Variants in PDXK observed in about 807,000 individuals in gnomAD.
PDXK encodes the protein pyridoxal kinase.
PDXK carries 15 observed loss-of-function variants against 43.2 expected under a neutral mutation model. That is an observed-to-expected ratio of 0.35 (90% CI 0.23 to 0.53). PDXK has a LOEUF of 0.53. Among genes scored for constraint, PDXK ranks in the 20% least tolerant of loss-of-function variants. The pLI is 0.92. For synonymous variants in PDXK, 172 were observed against 165.4 expected (o/e 1.04, Z -0.31); for missense variants, 343 against 417.0 (o/e 0.82, Z 1.54).
In PDXK at chr21:43,719,558, G is replaced by A. The variant is rs1032006871; in HGVS notation, c.87+177G>A. The A allele has an allele frequency of 7.2e-6, 7 of 971,646 alleles. No individual in the cohort carries two copies. The African/African-American group carries it at 1.2e-4, about 17-fold the overall frequency. 60.2% of individuals were successfully genotyped at this position (971,646 alleles called of 1,614,324 possible). Reference sequence around the variant, plus strand: ...CCCGCTCTGCTTGGCTTGCGGGGGCGGAAGCGGAGGGCTGAGCGCTCTGCG... The same window carrying A: ...CCCGCTCTGCTTGGCTTGCGGGGGCAGAAGCGGAGGGCTGAGCGCTCTGCG... On this transcript the variant is annotated intron_variant, in intron 1 of 10. Coordinates refer to ENST00000291565, the MANE Select transcript of PDXK (RefSeq NM_003681.5).
chr21:43,723,176 C>T lies in PDXK; in HGVS notation c.87+3795C>T, dbSNP rs544348606. On this transcript the variant is annotated intron_variant, in intron 1 of 10. Transcript: ENST00000291565. This position sits in a 1 kb window ranked among gnomAD's most constrained non-coding sequence, Gnocchi z 4.1. Reference sequence around the variant, plus strand: ...TTCTTTCTTTTTTTTTTTTTTGAGACGAGGGTCTCACTCTGTCGCTCAGGC... The same window carrying T: ...TTCTTTCTTTTTTTTTTTTTTGAGATGAGGGTCTCACTCTGTCGCTCAGGC... Among the ~76,000 whole-genome samples the T allele has an allele frequency of 5.2e-4, 74 of 143,122 alleles. No homozygotes were observed. The highest frequency in any genetic ancestry group is 1.7e-3 in the African/African-American group (66 of 37,866). 93.9% of individuals were successfully genotyped at this position (143,122 alleles called of 152,430 possible).
chr21:43,719,513 G>T, intron 1 of PDXK, 132 bp downstream of exon 1: 1 of 1,325,856 alleles, frequency 7.5e-7, no homozygotes, highest in Admixed American at 3.0e-5. Flanking sequence ...GCGCCCTGGA[G>T]GCAGGCGCGG....
At chr21:43,720,427 T>C (rs749283760) in intron 1 of PDXK, among the ~76,000 whole-genome samples, 2 of 151,714 alleles carry the variant, frequency 1.3e-5, no homozygotes, top group Non-Finnish European at 2.9e-5. Context: ...AGAGCTTCAG[T>C]GGAATTTGAG....
intron 1 of PDXK, among the ~76,000 whole-genome samples, chr21:43,720,777 A>G (rs2083200356): frequency 6.6e-6 from 1 of 152,184 alleles, no homozygotes; most frequent in South Asian, 2.1e-4. Context: ...AAGCAGGGGC[A>G]GCCAGGCAGT....
At chr21:43,744,227 G>C (rs1263911247) in intron 4 of PDXK, among the ~76,000 whole-genome samples, 1 of 152,042 alleles carries the variant, frequency 6.6e-6, no homozygotes, top group Non-Finnish European at 1.5e-5. Flanking sequence ...CTAGGGAGTG[G>C]GGGGAGGGAG....
At chr21:43,726,017 T>G (rs1370926741) in intron 1 of PDXK, among the ~76,000 whole-genome samples, 1 of 148,802 alleles carries the variant, frequency 6.7e-6, no homozygotes, top group Non-Finnish European at 1.5e-5. Flanking sequence ...TGGGATTCTC[T>G]CTCTCTCTCT....
rs2083423170 is a variant in PDXK at position 43,737,364 on chromosome 21, G to C, written c.142+3241G>C. ...CCGTTCCTTGAGGCCGTACCACAAGGTGCGTTCATTTTTCCACACCGTGAG... is the reference window on the plus strand; with the variant it reads ...CCGTTCCTTGAGGCCGTACCACAAGCTGCGTTCATTTTTCCACACCGTGAG... On this transcript the variant is annotated intron_variant, in intron 2 of 10. Coordinates refer to ENST00000291565, the MANE Select transcript of PDXK (RefSeq NM_003681.5). This position sits in a 1 kb window ranked among gnomAD's most constrained non-coding sequence, Gnocchi z 4.8. The C allele has an allele frequency of 8.0e-7, 1 of 1,253,208 alleles. No individual in the cohort carries two copies. The highest frequency in any genetic ancestry group is 1.0e-6 in the Non-Finnish European group (1 of 992,986). 77.6% of individuals were successfully genotyped at this position (1,253,208 alleles called of 1,614,324 possible). A position where few individuals can be genotyped will look rare whatever the true frequency, so the allele number is the denominator to read the frequency against.
At chr21:43,746,224 G>A in intron 5 of PDXK, 99 bp downstream of exon 5, 2 of 946,774 alleles carry the variant, frequency 2.1e-6, no homozygotes, top group Non-Finnish European at 3.5e-6. Flanking sequence ...TAACTCGGTG[G>A]GACTCCTCTG....
Position 43,756,423 on chromosome 21 carries a change from T to C in PDXK, c.*360T>C, listed in dbSNP as rs2070535. ...GAGTGGGCCCTGGCTGCCACTACCG[T>C]ACAGAGGCCGTGTCGCGCTGGGCTG... is the stretch of plus-strand genomic sequence containing the variant. On this transcript the variant is annotated 3_prime_UTR_variant, in exon 11 of 11. Coordinates refer to ENST00000291565, the MANE Select transcript of PDXK (RefSeq NM_003681.5). The C allele has an allele frequency of 0.58, 139,664 of 239,822 alleles. 40,864 individuals carry two copies. Among genetic ancestry groups the C allele is most frequent in the African/African-American group, 0.69 (30,246 of 43,798 alleles). The allele number at this position is 239,822 out of a possible 1,614,324, so 14.9% of individuals were successfully genotyped here.
chr21:43,747,288 C>G (rs2083654841), intron 5 of PDXK: 1 of 152,290 alleles, frequency 6.6e-6, no homozygotes, highest in African/African-American at 2.4e-5. Context: ...GGAAGGAACC[C>G]AAAGGTGATC....
intron 2 of PDXK, among the ~76,000 whole-genome samples, chr21:43,740,098 G>A (rs866920986): frequency 1.1e-4 from 16 of 152,020 alleles, no homozygotes; most frequent in Non-Finnish European, 1.6e-4. Context: ...CTGGTGTCCC[G>A]GGCAGAGTAC....
At chr21:43,733,472 G>C (rs1228131907) in intron 1 of PDXK, 1 of 179,142 alleles carries the variant, frequency 5.6e-6, no homozygotes, top group East Asian at 1.9e-4. Context: ...GGAGATACAG[G>C]AAGGAGGCCC....
At chr21:43,749,809 G>T (rs975291709) in intron 6 of PDXK, among the ~76,000 whole-genome samples, 1 of 152,198 alleles carries the variant, frequency 6.6e-6, no homozygotes, top group Non-Finnish European at 1.5e-5. Context: ...GTCACCTGCC[G>T]CCCTGTGAGG....
chr21:43,750,805 T>C lies in PDXK; in HGVS notation c.510+260T>C, dbSNP rs181817155. On this transcript the variant is annotated intron_variant, in intron 7 of 10. Transcript: ENST00000291565. ...GTGGGTGTGTGTGTGGATGTGTGCG[T>C]GTGTGCGCGCACCCATGTGTGCATG... is the stretch of plus-strand genomic sequence containing the variant. Among the ~76,000 whole-genome samples the C allele has an allele frequency of 2.0e-3, 306 of 149,670 alleles. 4 individuals are homozygous for C. The highest frequency in any genetic ancestry group is 0.018 in the Admixed American group (264 of 15,060).
chr21:43,729,505 A>C (rs144911220), intron 1 of PDXK, among the ~76,000 whole-genome samples: 119 of 152,306 alleles, frequency 7.8e-4, no homozygotes, highest in African/African-American at 2.7e-3. Context: ...CCCAGCAGCC[A>C]GGGGCATCAG....
intron 1 of PDXK, among the ~76,000 whole-genome samples, chr21:43,725,156 T>C (rs1336730895): frequency 6.6e-6 from 1 of 152,056 alleles, no homozygotes; most frequent in African/African-American, 2.4e-5. Flanking sequence ...ACCCCGTCTC[T>C]ACTAAAATTA....
intron 1 of PDXK, chr21:43,728,777 G>A (rs2083280221): frequency 3.0e-6 from 3 of 985,644 alleles, no homozygotes; most frequent in Admixed American, 6.1e-5. Context: ...AGCTTGTGTC[G>A]CGGGCGGCAG....
At chr21:43,728,763 G>A (rs2083280057) in intron 1 of PDXK, 1 of 985,738 alleles carries the variant, frequency 1.0e-6, no homozygotes, top group Admixed American at 6.1e-5. Context: ...CTGGGCAGGG[G>A]ATGAGCTTGT....
At chr21:43,755,798 T>G in intron 10 of PDXK, 34 bp downstream of exon 10, 1 of 1,592,352 alleles carries the variant, frequency 6.3e-7, no homozygotes, top group Non-Finnish European at 8.6e-7. Flanking sequence ...CTGCGTGGGC[T>G]CCTGGCTCCC....
Sources: gnomAD v4.1 joint callset for allele counts (sites outside exome capture counted in the v4.1 genomes callset) on GRCh38, gnomAD v4.1.1 for gene constraint, Gnocchi (gnomAD v3.1) non-coding constraint, MANE v1.5 for transcripts, NCBI Gene and HGNC (gene_info 2026-07-23, HGNC 2026-07-21) for gene names.